ZNF385D: variants seen among roughly 807,000 people sequenced by gnomAD.
ZNF385D encodes zinc finger protein 659.
In ZNF385D, 15 loss-of-function variants were observed where a neutral mutation model predicts 35.8. That is an observed-to-expected ratio of 0.42 (90% CI 0.28 to 0.64). ZNF385D has a LOEUF of 0.64. Among genes scored for constraint, ZNF385D ranks in the 30% least tolerant of loss-of-function variants. The probability of loss-of-function intolerance (pLI) is 0.23; values close to 1 mark genes in which losing one functional copy is unlikely to be tolerated. For synonymous variants in ZNF385D, 212 were observed against 186.8 expected (o/e 1.13, Z -1.10); for missense variants, 474 against 494.6 (o/e 0.96, Z 0.39).
intron 1 of ZNF385D, among the ~76,000 whole-genome samples, chr3:21,711,941 T>G (rs1011726192): frequency 1.3e-5 from 2 of 152,216 alleles, no homozygotes; most frequent in South Asian, 4.1e-4. Context: ...AACACACAAT[T>G]ATGTAAATGT....
intron 2 of ZNF385D, among the ~76,000 whole-genome samples, chr3:22,210,576 A>C (rs1311781891): frequency 6.6e-6 from 1 of 151,920 alleles, no homozygotes; most frequent in Non-Finnish European, 1.5e-5. Flanking sequence ...AAGAGTCTCC[A>C]ATCCATTGGA....
intron 5 of ZNF385D, among the ~76,000 whole-genome samples, chr3:21,431,790 G>A (rs1301284881): frequency 6.6e-6 from 1 of 152,112 alleles, no homozygotes; most frequent in Non-Finnish European, 1.5e-5. Context: ...AATGGAAGTG[G>A]CAAACAATCT....
intron 2 of ZNF385D, among the ~76,000 whole-genome samples, chr3:21,603,512 T>C (rs2125770490): frequency 6.6e-6 from 1 of 152,362 alleles, no homozygotes; most frequent in South Asian, 2.1e-4. Flanking sequence ...ATGTTACATC[T>C]GTACAGTTTA....
At chr3:22,180,260 C>G (rs1695145142) in intron 2 of ZNF385D, among the ~76,000 whole-genome samples, 1 of 152,178 alleles carries the variant, frequency 6.6e-6, no homozygotes, top group Non-Finnish European at 1.5e-5. Context: ...TCTGAATAGA[C>G]CAATAACAGG....
chr3:22,039,172 C>T (rs1449541430), intron 3 of ZNF385D, among the ~76,000 whole-genome samples: 1 of 146,690 alleles, frequency 6.8e-6, no homozygotes, highest in East Asian at 2.1e-4. Context: ...TAAGGATGTC[C>T]ATTTGACTGA....
chr3:21,814,700 C>A (rs1222852637), intron 3 of ZNF385D, among the ~76,000 whole-genome samples: 3 of 152,254 alleles, frequency 2.0e-5, no homozygotes, highest in Middle Eastern at 3.4e-3. Context: ...CTAGCGACCT[C>A]CAAAGAGACT....
At chr3:22,123,736 C>T (rs1202040792) in intron 3 of ZNF385D, among the ~76,000 whole-genome samples, 1 of 152,010 alleles carries the variant, frequency 6.6e-6, no homozygotes, top group Non-Finnish European at 1.5e-5. Context: ...TGGTGGGCAC[C>T]TGTAATCTCA....
At chr3:22,021,133 G>C (rs1697201193) in intron 3 of ZNF385D, among the ~76,000 whole-genome samples, 1 of 151,754 alleles carries the variant, frequency 6.6e-6, no homozygotes, top group Non-Finnish European at 1.5e-5. Flanking sequence ...GGTTAGATGA[G>C]AAACTACTTA....
At chr3:21,936,344 C>T (rs1559770285) in intron 3 of ZNF385D, among the ~76,000 whole-genome samples, 1 of 151,648 alleles carries the variant, frequency 6.6e-6, no homozygotes, top group Non-Finnish European at 1.5e-5. Flanking sequence ...GCTAAAAATT[C>T]TCAAGATTTT....
At chr3:21,805,391 T>C (rs2072596410) in intron 3 of ZNF385D, among the ~76,000 whole-genome samples, 1 of 152,208 alleles carries the variant, frequency 6.6e-6, no homozygotes, top group African/African-American at 2.4e-5. Flanking sequence ...TGTGGACTCA[T>C]AAATTAGGCT....
At chr3:21,830,763 G>A (rs1694942582) in intron 3 of ZNF385D, among the ~76,000 whole-genome samples, 1 of 152,162 alleles carries the variant, frequency 6.6e-6, no homozygotes, top group Non-Finnish European at 1.5e-5. Flanking sequence ...TGCTTGCAGT[G>A]TACAAAGAAA....
chr3:22,286,084 C>T (rs1483673783), intron 2 of ZNF385D, among the ~76,000 whole-genome samples: 1 of 152,088 alleles, frequency 6.6e-6, no homozygotes, highest in Middle Eastern at 3.2e-3. Context: ...ACAGGTAGCA[C>T]TTACTCTAGT....
rs367902814 is a variant in ZNF385D, at chr3:22,208,407, C to A, written c.107-39372G>T. Among the ~76,000 whole-genome samples, 17 of 150,474 alleles carry A rather than the reference C, an allele frequency of 1.1e-4. No individual in the cohort carries two copies. The South Asian group carries it at 3.6e-3, about 32-fold the overall frequency. On this transcript the variant is annotated intron_variant, in intron 2 of 5. Coordinates refer to the ZNF385D transcript ENST00000494108. ...AAATTAAAACAACTGAACTCATGAACATAGAGAGTGGAAAGATGGTTACCA... is the reference window on the plus strand; with the variant it reads ...AAATTAAAACAACTGAACTCATGAAAATAGAGAGTGGAAAGATGGTTACCA...
intron 3 of ZNF385D, among the ~76,000 whole-genome samples, chr3:22,017,362 T>C (rs1696956599): frequency 6.6e-6 from 1 of 152,036 alleles, no homozygotes; most frequent in Non-Finnish European, 1.5e-5. Context: ...CACTGTTCTT[T>C]CGGTTCGTAG....
In ZNF385D at chr3:21,611,538, G is replaced by T. The variant is rs529051803; in HGVS notation, c.166-46854C>A. Reference sequence around the variant, plus strand: ...CTTCACTTTATTTTCTCTCTATAAAGCAGACATGACAAAATCATTTCTGTT... The same window carrying T: ...CTTCACTTTATTTTCTCTCTATAAATCAGACATGACAAAATCATTTCTGTT... On this transcript the variant is annotated intron_variant, in intron 2 of 7. Coordinates refer to ENST00000281523, the MANE Select transcript of ZNF385D (RefSeq NM_024697.3). 1.2e-4 allele frequency among the ~76,000 whole-genome samples: 19 copies of T among 152,232 alleles called. No individual in the cohort carries two copies. The South Asian group carries it at 3.5e-3, about 28-fold the overall frequency.
intron 3 of ZNF385D, among the ~76,000 whole-genome samples, chr3:21,899,126 C>A (rs565346945): frequency 1.2e-4 from 19 of 152,134 alleles, no homozygotes; most frequent in Admixed American, 5.9e-4. Context: ...GCTGTCACAA[C>A]TTAGGCAGGA....
intron 2 of ZNF385D, among the ~76,000 whole-genome samples, chr3:22,175,477 T>C (rs959077205): frequency 1.3e-5 from 2 of 151,892 alleles, no homozygotes; most frequent in African/African-American, 2.4e-5. Context: ...AGCTATTAGG[T>C]GATTTGAAAG....
intron 2 of ZNF385D, among the ~76,000 whole-genome samples, chr3:22,271,270 G>A (rs546577575): frequency 4.6e-5 from 7 of 152,054 alleles, no homozygotes; most frequent in South Asian, 4.1e-4. Context: ...AAGAGGACAG[G>A]AGTAAAGAAA....
At chr3:21,795,582 G>T (rs566388775) in intron 3 of ZNF385D, among the ~76,000 whole-genome samples, 2 of 152,296 alleles carry the variant, frequency 1.3e-5, no homozygotes, top group African/African-American at 2.4e-5. Flanking sequence ...TCCTGAAACA[G>T]GAAAGATAAG....
Sources: gnomAD v4.1 joint callset for allele counts (sites outside exome capture counted in the v4.1 genomes callset) on GRCh38, gnomAD v4.1.1 for gene constraint, MANE v1.5 for transcripts, NCBI Gene and HGNC (gene_info 2026-07-23, HGNC 2026-07-21) for gene names.